The following SI variants were observed in gnomAD, a reference collection of about 807,000 sequenced individuals.
SI encodes sucrase-isomaltase, intestinal.
In SI, 235 loss-of-function variants were observed where a neutral mutation model predicts 253.3. The observed-to-expected ratio is 0.93, with a 90% CI of 0.83 to 1.03. SI has a LOEUF of 1.03. Among genes scored for constraint, SI ranks in the 50% least tolerant of loss-of-function variants. The pLI, the probability that SI is intolerant of heterozygous loss-of-function variation, is 0.00. For synonymous variants in SI, 819 were observed against 712.0 expected (o/e 1.15, Z -2.39); for missense variants, 2,442 against 2,211.1 (o/e 1.10, Z -2.09).
At chr3:165,062,664 G>A (rs902819910) in intron 8 of SI, among the ~76,000 whole-genome samples, 181 bp from the exon 9 acceptor site, 2 of 152,042 alleles carry the variant, frequency 1.3e-5, no homozygotes, top group South Asian at 2.1e-4. Context: ...ACGCCAACAT[G>A]TCTGAGGCTT....
chr3:165,076,163 T>A (rs564698677), intron 1 of SI, 151 bp from the exon 2 acceptor site: 1 of 504,242 alleles, frequency 2.0e-6, no homozygotes, highest in Admixed American at 3.8e-5. Context: ...ATTAAGCACT[T>A]ACTTAATAAT....
chr3:165,084,517 T>C, the SI span, among the ~76,000 whole-genome samples: 5 of 152,022 alleles, frequency 3.3e-5, no homozygotes, highest in African/African-American at 4.8e-5. Context: ...TTTTTCTGTA[T>C]AATATTATCC....
intron 33 of SI, among the ~76,000 whole-genome samples, chr3:165,013,654 T>C (rs1438413945): frequency 1.3e-5 from 2 of 152,102 alleles, no homozygotes; most frequent in East Asian, 1.9e-4. Flanking sequence ...TGGATCTATA[T>C]TGTAGAAGTT....
chr3:165,049,711 A>T (rs1713330890), intron 14 of SI, 80 bp downstream of exon 14: 1 of 818,326 alleles, frequency 1.2e-6, no homozygotes, highest in East Asian at 2.5e-5. Context: ...TGTAATTTAG[A>T]AATATATGTT....
At chr3:165,074,690 A>G (rs372660129) in intron 2 of SI, 23 bp from the exon 3 acceptor site, 1 of 1,581,256 alleles carries the variant, frequency 6.3e-7, no homozygotes, top group Non-Finnish European at 8.7e-7. Flanking sequence ...AAAACTCAAT[A>G]AAATAAAACA....
the SI span, among the ~76,000 whole-genome samples, chr3:165,084,650 C>A: frequency 7.2e-5 from 11 of 151,798 alleles, no homozygotes; most frequent in African/African-American, 2.7e-4. Context: ...ATATTCCAGT[C>A]CTAAAATATT....
At chr3:165,067,821 T>C (rs1382194538) in intron 5 of SI, among the ~76,000 whole-genome samples, 1 of 151,862 alleles carries the variant, frequency 6.6e-6, no homozygotes, top group East Asian at 1.9e-4. Context: ...TCAATCTCAA[T>C]GCTTTTCAGT....
chr3:165,060,634 G>C (rs566438179), intron 9 of SI, among the ~76,000 whole-genome samples: 1 of 151,272 alleles, frequency 6.6e-6, no homozygotes, highest in East Asian at 1.9e-4. Context: ...TCCTATTTCT[G>C]TAATGGCCCA....
Position 164,992,397 on chromosome 3 carries a change from C to T in SI, c.4842G>A (p.Glu1614=). ...CCCAGGTTGGTTTTTCATCAAAGAACCTCGACAAAATTATCACAAATAATT... is the reference window on the plus strand; with the variant it reads ...CCCAGGTTGGTTTTTCATCAAAGAATCTCGACAAAATTATCACAAATAATT... ...GGTVIRPLLH[E]FFDEKPTWDI... The change falls in exon 42 of 48, where the codon GAG becomes GAA. Residue 1614 remains glutamate, a splice_region_variant and synonymous_variant. Transcript: ENST00000264382. 3 of 1,596,844 alleles carry T rather than the reference C, an allele frequency of 1.9e-6. No homozygotes were observed. Among genetic ancestry groups the T allele is most frequent in the Non-Finnish European group, 1.7e-6 (2 of 1,166,798 alleles).
At chr3:164,980,979 A>G (rs1407389608) in intron 47 of SI, among the ~76,000 whole-genome samples, 1 of 151,914 alleles carries the variant, frequency 6.6e-6, no homozygotes, top group Non-Finnish European at 1.5e-5. Flanking sequence ...ATAACTATTG[A>G]GTAGTTGTTT....
At chr3:164,985,757 C>T (rs963526756) in intron 45 of SI, among the ~76,000 whole-genome samples, 3 of 152,040 alleles carry the variant, frequency 2.0e-5, no homozygotes, top group Admixed American at 1.3e-4. Context: ...TATTAAATAG[C>T]AGTCAGTAAA....
At position 164,982,314 on chromosome 3, in the gene SI, C is replaced by A; in HGVS notation, c.5344G>T (p.Val1782Phe). Residue 1782 changes from valine to phenylalanine, a missense_variant, in exon 47 of 48, where the codon GTC becomes TTC. Val to Phe is a conservative substitution (Grantham distance 50). Coordinates refer to ENST00000264382, the MANE Select transcript of SI (RefSeq NM_001041.4). Reference sequence around the variant, plus strand: ...TTATACGTTAGAGTAACTGCATTGACAGGAGTAGTTCCTTTCCCCCATACA... The same window carrying A: ...TTATACGTTAGAGTAACTGCATTGAAAGGAGTAGTTCCTTTCCCCCATACA... The part of the protein sequence containing the change: ...LHVWGKGTTP[V>F]NAVTLTYNGN... The A allele has an allele frequency of 1.2e-6, 2 of 1,612,924 alleles. No individual in the cohort carries two copies. Among genetic ancestry groups the A allele is most frequent in the Non-Finnish European group, 1.7e-6 (2 of 1,179,258 alleles).
chr3:165,074,201 C>T (rs1269279672), intron 3 of SI, among the ~76,000 whole-genome samples: 1 of 151,934 alleles, frequency 6.6e-6, no homozygotes, highest in Non-Finnish European at 1.5e-5. Context: ...TATATACTCC[C>T]TCCTAAATGT....
intron 34 of SI, among the ~76,000 whole-genome samples, chr3:165,012,659 T>G (rs1314662678): frequency 2.0e-5 from 3 of 152,076 alleles, no homozygotes; most frequent in Admixed American, 1.3e-4. Flanking sequence ...CTCAATCTCC[T>G]GACCTCGTGA....
chr3:165,051,462 A>T (rs1713424487), intron 13 of SI, among the ~76,000 whole-genome samples: 1 of 152,052 alleles, frequency 6.6e-6, no homozygotes, highest in Non-Finnish European at 1.5e-5. Flanking sequence ...CTGGAATGTT[A>T]TATTCAATTT....
At chr3:165,016,581 T>G (rs929851719) in intron 31 of SI, among the ~76,000 whole-genome samples, 33 of 151,984 alleles carry the variant, frequency 2.2e-4, no homozygotes, top group African/African-American at 7.5e-4. Flanking sequence ...TCTTGTAATA[T>G]CCATCAAAGT....
intron 24 of SI, among the ~76,000 whole-genome samples, chr3:165,032,300 C>A (rs192449106): frequency 6.6e-6 from 1 of 150,748 alleles, no homozygotes; most frequent in East Asian, 2.0e-4. Context: ...AGAGAAATAG[C>A]AAGGAATTCC....
rs11452619 is a variant in SI at position 165,030,877 on chromosome 3, C to CAAAAAAAAAAAAAA, written c.2737-11_2737-10insTTTTTTTTTTTTTT. ...CTGCAATTAGGAGAACCTTTGAAGA[C>CAAAAAAAAAAAAAA]AAAAAAAAAAAAAGAAAAAAAGAAA... On this transcript the variant is annotated splice_polypyrimidine_tract_variant and intron_variant, in intron 24 of 47. Coordinates refer to ENST00000264382, the MANE Select transcript of SI (RefSeq NM_001041.4). The CAAAAAAAAAAAAAA allele has an allele frequency of 2.5e-6, 3 of 1,219,758 alleles. No individual in the cohort carries two copies. The highest frequency in any genetic ancestry group is 1.9e-5 in the South Asian group (1 of 52,176). The allele number at this position is 1,219,758 out of a possible 1,614,324, so 75.6% of individuals were successfully genotyped here.
chr3:165,007,754 A>G (rs1160541403), intron 36 of SI, among the ~76,000 whole-genome samples, 157 bp downstream of exon 36: 1 of 150,036 alleles, frequency 6.7e-6, no homozygotes, highest in African/African-American at 2.4e-5. Flanking sequence ...CCTATTCCCT[A>G]CCTTCTATAT....
Sources: gnomAD v4.1 joint callset for allele counts (sites outside exome capture counted in the v4.1 genomes callset) on GRCh38, gnomAD v4.1.1 for gene constraint, MANE v1.5 for transcripts, NCBI Gene and HGNC (gene_info 2026-07-23, HGNC 2026-07-21) for gene names.